SGCD: variants seen among roughly 807,000 people sequenced by gnomAD.
SGCD encodes the protein delta-sarcoglycan.
Under a neutral mutation model 36.6 loss-of-function variants are expected in SGCD, and 18 were observed. The observed-to-expected ratio is 0.49, with a 90% confidence interval of 0.34 to 0.73. The LOEUF (loss-of-function observed/expected upper bound fraction) is 0.73, where lower values mean the gene tolerates loss of function less well. SGCD is among the 30% of genes least tolerant of loss of function. The probability of loss-of-function intolerance (pLI) is 0.01; values close to 1 mark genes in which losing one functional copy is unlikely to be tolerated. For synonymous variants in SGCD, 133 were observed against 130.6 expected (o/e 1.02, Z -0.12); for missense variants, 387 against 346.7 (o/e 1.12, Z -0.92).
In SGCD at chr5:156,289,801, G is replaced by A. The variant is rs11959778; in HGVS notation, c.-43-39733G>A. On this transcript the variant is annotated intron_variant, in intron 3 of 9. Coordinates refer to the SGCD transcript ENST00000517913. ...CCTGAGTAGCCAGGATTACAGGTGT[G>A]AGCCACCATGCCTGGCTCCAGTTCA... is the stretch of plus-strand genomic sequence containing the variant. 5.7e-3 allele frequency among the ~76,000 whole-genome samples: 863 copies of A among 152,114 alleles called. 3 individuals are homozygous for A. Among genetic ancestry groups the A allele is most frequent in the African/African-American group, 0.018 (766 of 41,508 alleles).
At chr5:155,883,753 A>G (rs1755938026) in intron 1 of SGCD, among the ~76,000 whole-genome samples, 1 of 147,136 alleles carries the variant, frequency 6.8e-6, no homozygotes, top group Non-Finnish European at 1.5e-5. Flanking sequence ...TTGTGCCGAT[A>G]GACTTGCTGG....
At chr5:156,504,404 A>G (rs1295710851) in intron 3 of SGCD, among the ~76,000 whole-genome samples, 2 of 90,276 alleles carry the variant, frequency 2.2e-5, no homozygotes, top group Non-Finnish European at 5.6e-5. Context: ...ATATATATAT[A>G]TATATATATA....
rs149801171 is a variant in SGCD at position 155,992,390 on chromosome 5, C to G, written c.-282+121966C>G. The stretch of plus-strand genomic sequence containing the variant: ...CAGATTTGGAAACCGTAGCTTGTCT[C>G]TTCTCTTTTTAATAAGGAAAAATTT... On this transcript the variant is annotated intron_variant, in intron 1 of 9. Transcript: ENST00000517913. 1.6e-3 allele frequency among the ~76,000 whole-genome samples: 250 copies of G among 152,230 alleles called. 1 individual carries two copies. The highest frequency in any genetic ancestry group is 2.8e-3 in the Non-Finnish European group (193 of 68,014).
At chr5:156,534,561 C>A (rs1758018582) in intron 4 of SGCD, among the ~76,000 whole-genome samples, 1 of 152,146 alleles carries the variant, frequency 6.6e-6, no homozygotes, top group Admixed American at 6.5e-5. Flanking sequence ...TATGGAAATG[C>A]TTTCCGTGGA....
intron 3 of SGCD, among the ~76,000 whole-genome samples, chr5:156,221,056 T>C (rs1764705505): frequency 6.6e-6 from 1 of 152,114 alleles, no homozygotes; most frequent in African/African-American, 2.4e-5. Context: ...CAAATGTTTG[T>C]TCTCAGATAT....
At chr5:156,406,084 C>T (rs1241544259) in intron 3 of SGCD, among the ~76,000 whole-genome samples, 1 of 146,710 alleles carries the variant, frequency 6.8e-6, no homozygotes, top group Non-Finnish European at 1.5e-5. Flanking sequence ...ATTTTAGCAG[C>T]AGCTGGTCCG....
intron 2 of SGCD, among the ~76,000 whole-genome samples, chr5:156,122,220 T>C (rs966561898): frequency 5.3e-5 from 8 of 152,128 alleles, no homozygotes; most frequent in African/African-American, 1.2e-4. Context: ...ATTCAAAAAA[T>C]ATTTATCGAG....
chr5:155,769,612 C>T, the SGCD span, among the ~76,000 whole-genome samples: 1 of 152,132 alleles, frequency 6.6e-6, no homozygotes, highest in Non-Finnish European at 1.5e-5. Context: ...CCCACATCCC[C>T]CAGTTTTTAA....
At chr5:156,579,586 C>T (rs1760152833) in intron 4 of SGCD, among the ~76,000 whole-genome samples, 1 of 152,130 alleles carries the variant, frequency 6.6e-6, no homozygotes, top group Non-Finnish European at 1.5e-5. Context: ...CTTTATGAAT[C>T]TGGGTGCTCC....
intron 1 of SGCD, among the ~76,000 whole-genome samples, chr5:156,024,787 G>A (rs1024849323): frequency 2.4e-4 from 37 of 151,772 alleles, no homozygotes; most frequent in African/African-American, 8.5e-4. Context: ...GTGAAACCCC[G>A]TTTCTACTAA....
chr5:156,101,283 GC>G (rs775871597), intron 1 of SGCD, among the ~76,000 whole-genome samples: 37 of 152,298 alleles, frequency 2.4e-4, no homozygotes, highest in Non-Finnish European at 4.9e-4. Flanking sequence ...CAGACAGTGG[GC>G]TGGCCTGGCG....
chr5:156,355,998 A>G (rs1034706146), intron 3 of SGCD, among the ~76,000 whole-genome samples: 2 of 152,136 alleles, frequency 1.3e-5, no homozygotes, highest in African/African-American at 4.8e-5. Context: ...GTGAGTGTGT[A>G]TGTTTGCTTA....
At chr5:156,533,614 A>G in intron 4 of SGCD, among the ~76,000 whole-genome samples, 1 of 152,168 alleles carries the variant, frequency 6.6e-6, no homozygotes, top group East Asian at 1.9e-4. Context: ...CTGATTCCTT[A>G]TCTAACTACA....
chr5:156,297,229 G>A (rs1766920694), intron 3 of SGCD, among the ~76,000 whole-genome samples: 1 of 151,960 alleles, frequency 6.6e-6, no homozygotes, highest in East Asian at 1.9e-4. Context: ...AGTCAGTGTG[G>A]CGATTCCTCA....
At chr5:156,570,509 A>C (rs1033747717) in intron 4 of SGCD, among the ~76,000 whole-genome samples, 2 of 152,082 alleles carry the variant, frequency 1.3e-5, no homozygotes, top group Non-Finnish European at 2.9e-5. Context: ...TGATAGATAC[A>C]TACCTAGTCA....
At chr5:156,713,014 G>T (rs1393119919) in intron 7 of SGCD, among the ~76,000 whole-genome samples, 2 of 152,066 alleles carry the variant, frequency 1.3e-5, no homozygotes. Flanking sequence ...AATAAATATT[G>T]ACTGAATTAA....
At chr5:155,960,965 G>A (rs575367036) in intron 1 of SGCD, among the ~76,000 whole-genome samples, 6 of 152,134 alleles carry the variant, frequency 3.9e-5, no homozygotes, top group African/African-American at 1.4e-4. Flanking sequence ...TTGATCATGC[G>A]ATCACGACAG....
chr5:155,907,361 G>C (rs1756540427), intron 1 of SGCD, among the ~76,000 whole-genome samples: 1 of 152,094 alleles, frequency 6.6e-6, no homozygotes, highest in African/African-American at 2.4e-5. Flanking sequence ...GGATCAAGGA[G>C]TTACTTTGAC....
chr5:156,489,292 T>C (rs1755837768), intron 3 of SGCD, among the ~76,000 whole-genome samples: 1 of 152,072 alleles, frequency 6.6e-6, no homozygotes, highest in Non-Finnish European at 1.5e-5. Context: ...AGTTGGGGAC[T>C]TCAACACTGC....
Sources: gnomAD v4.1 joint callset for allele counts (sites outside exome capture counted in the v4.1 genomes callset) on GRCh38, gnomAD v4.1.1 for gene constraint, MANE v1.5 for transcripts, NCBI Gene and HGNC (gene_info 2026-07-23, HGNC 2026-07-21) for gene names.